The following CCDC30 variants were observed in gnomAD, a reference collection of about 807,000 sequenced individuals.
CCDC30 encodes the protein coiled-coil domain containing 30.
Under a neutral mutation model 100.2 loss-of-function variants are expected in CCDC30, and 70 were observed. That is an observed-to-expected ratio of 0.70 (90% CI 0.58 to 0.85). The LOEUF (loss-of-function observed/expected upper bound fraction) is 0.85, where lower values mean the gene tolerates loss of function less well. Ranked by LOEUF, CCDC30 falls within the 40% of genes least tolerant of loss-of-function variation. The pLI is 0.00. For missense variants in CCDC30, 652 were observed against 771.2 expected, an observed-to-expected ratio of 0.85 and a Z score of 1.83; for synonymous variants, 233 against 269.5, an observed-to-expected ratio of 0.86 and a Z score of 1.33.
intron 4 of CCDC30, chr1:42,492,069 G>C: frequency 7.9e-6 from 3 of 379,090 alleles, no homozygotes; most frequent in Non-Finnish European, 1.5e-5. Flanking sequence ...GTGTTCCGTG[G>C]TCAAAAAATG....
At chr1:42,528,424 A>C (rs1644756493) in intron 6 of CCDC30, among the ~76,000 whole-genome samples, 1 of 152,160 alleles carries the variant, frequency 6.6e-6, no homozygotes, top group Non-Finnish European at 1.5e-5. Flanking sequence ...ATAGAATTTC[A>C]AGAGTTATTG....
At chr1:42,456,434 T>C in the CCDC30 span, 1 of 978,502 alleles carries the variant, frequency 1.0e-6, no homozygotes, top group African/African-American at 1.7e-5. Context: ...CTTGGCGAGA[T>C]CGGGACCTAG....
At chr1:42,490,066 A>G (rs1236575980) in intron 3 of CCDC30, 92 bp from the exon 4 acceptor site, 2 of 444,440 alleles carry the variant, frequency 4.5e-6, no homozygotes, top group Non-Finnish European at 7.1e-6. Flanking sequence ...AGCCAGGTGA[A>G]AGAAAGTGTT....
intron 6 of CCDC30, among the ~76,000 whole-genome samples, chr1:42,542,431 T>A (rs1645028586): frequency 6.6e-6 from 1 of 151,656 alleles, no homozygotes; most frequent in South Asian, 2.1e-4. Context: ...AGCGGCAAGA[T>A]CATAGCTCAC....
chr1:42,553,640 G>A (rs1372196540), intron 6 of CCDC30, among the ~76,000 whole-genome samples: 1 of 123,154 alleles, frequency 8.1e-6, no homozygotes, highest in East Asian at 2.5e-4. Flanking sequence ...TGGGTGACAA[G>A]GTGAGATTCC....
At chr1:42,582,461 A>G (rs1224568892) in intron 9 of CCDC30, among the ~76,000 whole-genome samples, 1 of 152,230 alleles carries the variant, frequency 6.6e-6, no homozygotes, top group African/African-American at 2.4e-5. Flanking sequence ...CAGGACTGTA[A>G]GGTGGATGCC....
At chr1:42,487,354 G>C (rs188920563) in intron 3 of CCDC30, among the ~76,000 whole-genome samples, 1 of 152,240 alleles carries the variant, frequency 6.6e-6, no homozygotes, top group East Asian at 1.9e-4. Flanking sequence ...AGAACTGGGG[G>C]AAATAAGTGT....
At chr1:42,653,302 TA>T (rs769868004) in intron 15 of CCDC30, 73 bp from the exon 20 acceptor site, 32 of 754,524 alleles carry the variant, frequency 4.2e-5, no homozygotes, top group Middle Eastern at 7.4e-4. Flanking sequence ...ATTATATATA[TA>T]TTTTTTTCTA....
intron 10 of CCDC30, chr1:42,595,717 T>C (rs1646274021): frequency 6.6e-6 from 1 of 152,168 alleles, no homozygotes; most frequent in Non-Finnish European, 1.5e-5. Flanking sequence ...TGGTGCCATA[T>C]TACTTGCTCA....
chr1:42,522,875 C>CT (rs572657828), intron 6 of CCDC30, among the ~76,000 whole-genome samples: 2 of 151,934 alleles, frequency 1.3e-5, no homozygotes, highest in Admixed American at 6.6e-5. Flanking sequence ...TACAATATTA[C>CT]TTTTTTTTCT....
chr1:42,545,297 T>C, intron 6 of CCDC30, 113 bp from the exon 9 acceptor site: 1 of 788,180 alleles, frequency 1.3e-6, no homozygotes, highest in Admixed American at 3.9e-5. Context: ...AGGATGTCAT[T>C]TTATATTATA....
At chr1:42,615,043 G>A (rs187575444) in intron 11 of CCDC30, among the ~76,000 whole-genome samples, 101 of 152,044 alleles carry the variant, frequency 6.6e-4, no homozygotes, top group Admixed American at 4.1e-3. Context: ...AGGTTTAATC[G>A]TAGAGTCATC....
chr1:42,602,525 A>C (rs1433274789), intron 10 of CCDC30, among the ~76,000 whole-genome samples: 2 of 152,356 alleles, frequency 1.3e-5, no homozygotes, highest in African/African-American at 4.8e-5. Flanking sequence ...GAACAACTTT[A>C]TGCCCACAAA....
chr1:42,569,920 G>A (rs1645696014), intron 7 of CCDC30, among the ~76,000 whole-genome samples: 1 of 152,138 alleles, frequency 6.6e-6, no homozygotes, highest in Non-Finnish European at 1.5e-5. Flanking sequence ...AGTGGGAGCT[G>A]AACAATGAGA....
chr1:42,456,859 C>T, the CCDC30 span: 1 of 1,613,518 alleles, frequency 6.2e-7, no homozygotes, highest in Non-Finnish European at 8.5e-7. Context: ...GCTTCCCACC[C>T]CAGACTTGGC....
At chr1:42,457,681 G>A in the CCDC30 span, 1 of 257,962 alleles carries the variant, frequency 3.9e-6, no homozygotes, top group Non-Finnish European at 7.7e-6. Flanking sequence ...AACCGAGCGC[G>A]GTGGCTCACG....
chr1:42,650,367 T>A (rs891797425), intron 15 of CCDC30, among the ~76,000 whole-genome samples: 1 of 151,854 alleles, frequency 6.6e-6, no homozygotes, highest in African/African-American at 2.4e-5. Flanking sequence ...GGCATAGTAA[T>A]CTCAGCTACT....
chr1:42,482,922 T>G, intron 3 of CCDC30, 106 bp downstream of exon 3: 1 of 778,522 alleles, frequency 1.3e-6, no homozygotes, highest in Non-Finnish European at 1.7e-6. Context: ...AACAAGTCTT[T>G]AAGATAAACA....
chr1:42,652,927 GTGA>G (rs1648477783), intron 15 of CCDC30, among the ~76,000 whole-genome samples: 1 of 152,084 alleles, frequency 6.6e-6, no homozygotes, highest in Non-Finnish European at 1.5e-5. Flanking sequence ...TTTTTGGGGG[GTGA>G]TGAAAATATT....
Sources: gnomAD v4.1 joint callset for allele counts (sites outside exome capture counted in the v4.1 genomes callset) on GRCh38, gnomAD v4.1.1 for gene constraint, MANE v1.5 for transcripts, NCBI Gene and HGNC (gene_info 2026-07-23, HGNC 2026-07-21) for gene names.